TTLL5: variants seen among roughly 807,000 people sequenced by gnomAD.
TTLL5 encodes tubulin polyglutamylase TTLL5.
TTLL5 carries 132 observed loss-of-function variants against 168.4 expected under a neutral mutation model. The ratio of observed to expected loss-of-function variants is 0.78; its 90% CI spans 0.68 to 0.91. The LOEUF (loss-of-function observed/expected upper bound fraction) is 0.91, where lower values mean the gene tolerates loss of function less well. Ranked by LOEUF, TTLL5 falls within the 40% of genes least tolerant of loss-of-function variation. The pLI, the probability that TTLL5 is intolerant of heterozygous loss-of-function variation, is 0.00. For synonymous variants in TTLL5, 546 were observed against 558.6 expected (o/e 0.98, Z 0.32); for missense variants, 1,545 against 1,581.5 (o/e 0.98, Z 0.39).
Position 75,735,184 on chromosome 14 carries a change from T to C in TTLL5, c.1187-11T>C. 6.2e-7 allele frequency: 1 copy of C among 1,613,952 alleles called. No homozygotes were observed. The highest frequency in any genetic ancestry group is 8.5e-7 in the Non-Finnish European group (1 of 1,179,784). The stretch of plus-strand genomic sequence containing the variant: ...AATGGCAGGTTTTAATGTTGCCCAT[T>C]CCCCATTCAGGATTTGTGTGCCAAG... On this transcript the variant is annotated splice_polypyrimidine_tract_variant and intron_variant, in intron 14 of 31. Transcript: ENST00000298832.
At chr14:75,753,103 C>A in intron 18 of TTLL5, 148 bp downstream of exon 18, 1 of 653,022 alleles carries the variant, frequency 1.5e-6, no homozygotes, top group South Asian at 2.5e-5. Context: ...TATCATGACT[C>A]ATTTTTCCAG....
intron 31 of TTLL5, among the ~76,000 whole-genome samples, chr14:75,924,833 G>A (rs1460560065): frequency 6.6e-6 from 1 of 151,952 alleles, no homozygotes; most frequent in Non-Finnish European, 1.5e-5. Context: ...CCGGGCAGAG[G>A]AGCTCCCCAC....
chr14:75,759,164 G>C (rs182995404), intron 18 of TTLL5, among the ~76,000 whole-genome samples: 196 of 152,244 alleles, frequency 1.3e-3, no homozygotes, highest in African/African-American at 4.6e-3. Context: ...AGATAGAAAA[G>C]AGAGGATTTC....
intron 18 of TTLL5, among the ~76,000 whole-genome samples, chr14:75,754,243 G>A (rs1890115398): frequency 6.6e-6 from 1 of 152,110 alleles, no homozygotes; most frequent in African/African-American, 2.4e-5. Context: ...GTATTTCATG[G>A]ATGTAATGTC....
chr14:75,822,893 C>G (rs945891214), intron 28 of TTLL5, among the ~76,000 whole-genome samples: 8 of 152,254 alleles, frequency 5.3e-5, no homozygotes, highest in Admixed American at 5.2e-4. Flanking sequence ...CACGACTTGC[C>G]CAGACAGTCT....
At chr14:75,948,930 G>A (rs750913693) in intron 31 of TTLL5, among the ~76,000 whole-genome samples, 6 of 152,090 alleles carry the variant, frequency 3.9e-5, no homozygotes, top group Non-Finnish European at 2.9e-5. Context: ...TATGGAAACT[G>A]AATCAAGAAC....
At chr14:75,805,099 A>G (rs1303769126) in intron 27 of TTLL5, among the ~76,000 whole-genome samples, 2 of 152,074 alleles carry the variant, frequency 1.3e-5, no homozygotes, top group Admixed American at 6.6e-5. Flanking sequence ...GTCTGACTTC[A>G]TCTCTTACAT....
chr14:75,771,083 A>C (rs1250611266), intron 20 of TTLL5, among the ~76,000 whole-genome samples: 1 of 152,158 alleles, frequency 6.6e-6, no homozygotes, highest in African/African-American at 2.4e-5. Flanking sequence ...GGTTTTTGTG[A>C]AGATTGAGTA....
intron 31 of TTLL5, among the ~76,000 whole-genome samples, chr14:75,947,397 T>C (rs1329382280): frequency 6.6e-6 from 1 of 152,026 alleles, no homozygotes; most frequent in Non-Finnish European, 1.5e-5. Flanking sequence ...TAACAAGAAA[T>C]AAAGAGGGTC....
chr14:75,920,572 A>G (rs2033791191), intron 31 of TTLL5, among the ~76,000 whole-genome samples: 1 of 152,238 alleles, frequency 6.6e-6, no homozygotes, highest in Non-Finnish European at 1.5e-5. Context: ...TGCAAAGGAC[A>G]TGAACTCATC....
chr14:75,827,707 CTTTTTTTTTTTTTTTTTT>C (rs561078439), intron 28 of TTLL5, among the ~76,000 whole-genome samples: 5 of 53,170 alleles, frequency 9.4e-5, no homozygotes, highest in African/African-American at 3.2e-4. Flanking sequence ...TGGCTTGGTT[CTTTTTTTTTTTTTTTTTT>C]TTTTTTTTTT....
At chr14:75,812,238 G>A (rs1223643018) in intron 27 of TTLL5, among the ~76,000 whole-genome samples, 3 of 152,144 alleles carry the variant, frequency 2.0e-5, no homozygotes, top group Non-Finnish European at 4.4e-5. Context: ...AGCAGGAGCA[G>A]GGGGAGGAGG....
intron 31 of TTLL5, among the ~76,000 whole-genome samples, chr14:75,905,897 C>T (rs1024336792): frequency 1.3e-5 from 2 of 152,152 alleles, no homozygotes; most frequent in Non-Finnish European, 1.5e-5. Flanking sequence ...TTTTTAAGCT[C>T]TTAGTAGTCT....
chr14:75,715,916 T>C (rs1157545320), intron 9 of TTLL5, among the ~76,000 whole-genome samples: 1 of 152,160 alleles, frequency 6.6e-6, no homozygotes, highest in Non-Finnish European at 1.5e-5. Context: ...GCTTTTCATG[T>C]TGACCAAGTT....
intron 26 of TTLL5, among the ~76,000 whole-genome samples, chr14:75,789,289 C>T (rs1892557455): frequency 1.3e-5 from 2 of 152,160 alleles, no homozygotes; most frequent in African/African-American, 4.8e-5. Context: ...ATCATCCCTT[C>T]TTAGCCTTTT....
intron 7 of TTLL5, among the ~76,000 whole-genome samples, chr14:75,703,331 A>G (rs1022286831): frequency 9.9e-5 from 15 of 152,234 alleles, no homozygotes; most frequent in Admixed American, 2.6e-4. Flanking sequence ...CTCTCTGCAA[A>G]TAGCAACTTT....
intron 28 of TTLL5, among the ~76,000 whole-genome samples, chr14:75,831,613 G>A (rs934023724): frequency 4.6e-5 from 7 of 152,118 alleles, no homozygotes; most frequent in Non-Finnish European, 8.8e-5. Flanking sequence ...GTGGTTACGT[G>A]TACTAGCTCC....
chr14:75,891,139 C>CT (rs1455908485), intron 30 of TTLL5, among the ~76,000 whole-genome samples: 2 of 152,362 alleles, frequency 1.3e-5, no homozygotes, highest in South Asian at 2.1e-4. Flanking sequence ...TCTTCATACT[C>CT]TATCACCGCT....
rs1981898 is a variant in TTLL5 at position 75,709,222 on chromosome 14, C to T, written c.740+1515C>T. 9.2e-6 allele frequency: 7 copies of T among 760,608 alleles called. No individual in the cohort carries two copies. The East Asian group carries it at 1.7e-4, about 18-fold the overall frequency. The allele number at this position is 760,608 out of a possible 1,614,324, so 47.1% of individuals were successfully genotyped here. On this transcript the variant is annotated intron_variant, in intron 9 of 31. Transcript: ENST00000298832. ...GGGAAATACCATGGATAAAAGAAGG[C>T]TACCTATTTATGTACAGGTGCTTTG...
Sources: gnomAD v4.1 joint callset for allele counts (sites outside exome capture counted in the v4.1 genomes callset) on GRCh38, gnomAD v4.1.1 for gene constraint, MANE v1.5 for transcripts, NCBI Gene and HGNC (gene_info 2026-07-23, HGNC 2026-07-21) for gene names.